Variants in CACNA2D3 observed in about 807,000 individuals in gnomAD.
CACNA2D3 encodes the protein calcium voltage-gated channel auxiliary subunit alpha2delta 3.
CACNA2D3 carries 60 observed loss-of-function variants against 160.6 expected under a neutral mutation model. That is an observed-to-expected ratio of 0.37 (90% confidence interval 0.30 to 0.46). CACNA2D3 has a LOEUF of 0.46. CACNA2D3 is among the 20% of genes least tolerant of loss of function. The pLI is 1.00. For synonymous variants in CACNA2D3, 558 were observed against 492.9 expected, an observed-to-expected ratio of 1.13 and a Z score of -1.75; for missense variants, 1,205 against 1,365.0, an observed-to-expected ratio of 0.88 and a Z score of 1.85.
At chr3:54,383,870 T>A (rs949483435) in intron 3 of CACNA2D3, among the ~76,000 whole-genome samples, 3 of 152,232 alleles carry the variant, frequency 2.0e-5, no homozygotes, top group Non-Finnish European at 4.4e-5. Context: ...TCTTGTGTTG[T>A]TACCTACTTT....
intron 4 of CACNA2D3, among the ~76,000 whole-genome samples, chr3:54,404,774 C>T (rs1254132656): frequency 6.6e-6 from 1 of 151,990 alleles, no homozygotes; most frequent in Non-Finnish European, 1.5e-5. Flanking sequence ...AATAAAGTTG[C>T]AGGATGTAAA....
intron 31 of CACNA2D3, 92 bp from the exon 32 acceptor site, chr3:55,004,671 A>G (rs898286063): frequency 2.5e-6 from 2 of 814,120 alleles, no homozygotes; most frequent in Non-Finnish European, 4.2e-6. Context: ...GTTGCACTTG[A>G]TGATAGTGAC....
At chr3:54,821,693 T>C (rs56322246) in intron 14 of CACNA2D3, among the ~76,000 whole-genome samples, 4,357 of 35,828 alleles carry the variant, frequency 0.12, 116 homozygotes, top group Admixed American at 0.14. Flanking sequence ...TCTTTCTTTC[T>C]TTCTTTCCTT....
At chr3:54,313,458 C>T (rs1438522533) in intron 2 of CACNA2D3, among the ~76,000 whole-genome samples, 1 of 152,112 alleles carries the variant, frequency 6.6e-6, no homozygotes, top group East Asian at 1.9e-4. Flanking sequence ...CCCTCCTACC[C>T]TCAACACCCC....
Position 54,291,382 on chromosome 3 carries a change from A to G in CACNA2D3, c.205-29060A>G, listed in dbSNP as rs116294264. Among the ~76,000 whole-genome samples the G allele has an allele frequency of 3.6e-3, 544 of 152,310 alleles. 6 individuals are homozygous for G. Among genetic ancestry groups the G allele is most frequent in the African/African-American group, 0.012 (505 of 41,572 alleles). On this transcript the variant is annotated intron_variant, in intron 2 of 37. Coordinates refer to ENST00000474759, the MANE Select transcript of CACNA2D3 (RefSeq NM_018398.3). ...TATTGTCTAAATTTTGTCCCTTTAA[A>G]GTAACCCTTAAGGCTACTTTTTCTT...
intron 3 of CACNA2D3, among the ~76,000 whole-genome samples, chr3:54,345,071 C>G (rs1306024795): frequency 6.6e-6 from 1 of 152,206 alleles, no homozygotes; most frequent in Non-Finnish European, 1.5e-5. Flanking sequence ...GAATAATCCA[C>G]CCCTTGTTTA....
intron 4 of CACNA2D3, among the ~76,000 whole-genome samples, chr3:54,440,767 G>A (rs1355980927): frequency 6.6e-6 from 1 of 152,078 alleles, no homozygotes; most frequent in African/African-American, 2.4e-5. Context: ...ATAGTTTGCT[G>A]AGAATGATGG....
intron 27 of CACNA2D3, among the ~76,000 whole-genome samples, chr3:54,941,102 A>G (rs1269876723): frequency 6.6e-6 from 1 of 152,200 alleles, no homozygotes; most frequent in East Asian, 1.9e-4. Context: ...GGTACGAGTA[A>G]TGCCGTGAAT....
intron 11 of CACNA2D3, among the ~76,000 whole-genome samples, chr3:54,751,092 C>G (rs554217884): frequency 1.3e-5 from 2 of 152,080 alleles, no homozygotes; most frequent in East Asian, 1.9e-4. Flanking sequence ...TCTTTTCCCC[C>G]CAAGAGAAGC....
At chr3:54,924,735 CG>C in intron 27 of CACNA2D3, 1 of 1,614,092 alleles carries the variant, frequency 6.2e-7, no homozygotes. Flanking sequence ...CAGGAGCGCT[CG>C]ATCAAGCTGC....
chr3:54,865,269 T>C (rs1699373950), intron 17 of CACNA2D3, among the ~76,000 whole-genome samples: 1 of 152,256 alleles, frequency 6.6e-6, no homozygotes, highest in Non-Finnish European at 1.5e-5. Flanking sequence ...AATATACTTT[T>C]CACTTTGTAT....
intron 17 of CACNA2D3, among the ~76,000 whole-genome samples, chr3:54,864,168 C>T (rs573635145): frequency 7.9e-5 from 12 of 152,274 alleles, no homozygotes; most frequent in African/African-American, 1.2e-4. Flanking sequence ...CACAAGGGTT[C>T]CCTGAGGCCC....
chr3:54,787,283 C>T lies in CACNA2D3; in HGVS notation c.1380+22932C>T, dbSNP rs549721459. Among the ~76,000 whole-genome samples, 29 of 152,292 alleles carry T rather than the reference C, an allele frequency of 1.9e-4. 1 individual carries two copies. Among genetic ancestry groups the T allele is most frequent in the South Asian group, 8.3e-4 (4 of 4,826 alleles). On this transcript the variant is annotated intron_variant, in intron 13 of 37. Coordinates refer to ENST00000474759, the MANE Select transcript of CACNA2D3 (RefSeq NM_018398.3). ...GTAAACCACCTTATCAGTTGAAATTCATTGCTTCATAAAATCATTTAAGCC... is the reference window on the plus strand; with the variant it reads ...GTAAACCACCTTATCAGTTGAAATTTATTGCTTCATAAAATCATTTAAGCC...
At chr3:54,424,554 C>T (rs912249565) in intron 4 of CACNA2D3, among the ~76,000 whole-genome samples, 7 of 152,150 alleles carry the variant, frequency 4.6e-5, no homozygotes, top group East Asian at 3.9e-4. Flanking sequence ...CTGGAGATGA[C>T]GAGGCTTTTA....
rs34291779 is a variant in CACNA2D3 at position 54,394,318 on chromosome 3, A to ATTTTTTTTT, written c.381+7550_381+7558dup. Among the ~76,000 whole-genome samples the ATTTTTTTTT allele has an allele frequency of 7.4e-4, 103 of 139,304 alleles. 1 individual carries two copies. The highest frequency in any genetic ancestry group is 2.6e-3 in the African/African-American group (97 of 37,226). 91.4% of individuals were successfully genotyped at this position (139,304 alleles called of 152,430 possible). ...TGCAACCCTGCCTTGGAGAGTGAAC[A>ATTTTTTTTT]TTTTTTTTTTTTTTATTATTATACT... On this transcript the variant is annotated intron_variant, in intron 4 of 37. Transcript: ENST00000474759.
intron 11 of CACNA2D3, among the ~76,000 whole-genome samples, chr3:54,666,614 C>T (rs371366284): frequency 2.6e-5 from 4 of 152,200 alleles, no homozygotes; most frequent in East Asian, 3.8e-4. Context: ...TATAAGGACT[C>T]ATTAATCTCC....
chr3:54,195,584 G>C (rs1471804331), intron 2 of CACNA2D3, among the ~76,000 whole-genome samples: 2 of 152,334 alleles, frequency 1.3e-5, no homozygotes, highest in Admixed American at 6.5e-5. Flanking sequence ...GTGGAAAGTG[G>C]GGTACAAGGA....
rs1185848585 is a variant in CACNA2D3, at chr3:54,912,978, A to G, written c.2449+13110A>G. On this transcript the variant is annotated intron_variant, in intron 27 of 37. Coordinates refer to ENST00000474759, the MANE Select transcript of CACNA2D3 (RefSeq NM_018398.3). ...TCCTCTCTGATTTGTTTTTAAACTC[A>G]GGGTCTCAGTGGAAGGCATATCAGC... 3.3e-5 allele frequency among the ~76,000 whole-genome samples: 5 copies of G among 152,092 alleles called. No individual in the cohort carries two copies. In the East Asian group the frequency reaches 9.7e-4, roughly 29 times the overall value.
At chr3:54,223,257 C>G (rs540258199) in intron 2 of CACNA2D3, among the ~76,000 whole-genome samples, 1 of 152,320 alleles carries the variant, frequency 6.6e-6, no homozygotes, top group Admixed American at 6.5e-5. Flanking sequence ...GTATAGCCTG[C>G]TGCACAATAG....
Sources: allele counts gnomAD v4.1 joint callset (sites outside exome capture counted in the v4.1 genomes callset), GRCh38; gene constraint gnomAD v4.1.1; transcripts MANE v1.5; gene names NCBI Gene and HGNC (gene_info 2026-07-23, HGNC 2026-07-21).